Variants in WDR59 observed in about 807,000 individuals in gnomAD.
The protein encoded by WDR59 is WD repeat domain 59.
A neutral mutation model predicts 131.2 loss-of-function variants in WDR59; 100 were observed. That is an observed-to-expected ratio of 0.76 (90% CI 0.65 to 0.90). WDR59 has a LOEUF of 0.90. Among genes scored for constraint, WDR59 ranks in the 40% least tolerant of loss-of-function variants. WDR59 has a pLI of 0.00. For missense variants in WDR59, 1,203 were observed against 1,262.2 expected (o/e 0.95, Z 0.71); for synonymous variants, 601 against 466.2 (o/e 1.29, Z -3.72).
chr16:74,941,695 A>G (rs1489077931), intron 7 of WDR59, among the ~76,000 whole-genome samples: 1 of 38,468 alleles, frequency 2.6e-5, no homozygotes, highest in Non-Finnish European at 3.9e-5. Context: ...CTGTCTCAAG[A>G]AAAAAAAAAA....
intron 18 of WDR59, among the ~76,000 whole-genome samples, chr16:74,895,874 G>A (rs1965274019): frequency 6.6e-6 from 1 of 152,174 alleles, no homozygotes; most frequent in South Asian, 2.1e-4. Context: ...TACTATGGCA[G>A]GGCCTGTTTT....
At chr16:74,965,176 A>C (rs954399039) in intron 2 of WDR59, among the ~76,000 whole-genome samples, 3 of 152,086 alleles carry the variant, frequency 2.0e-5, no homozygotes, top group Non-Finnish European at 4.4e-5. Context: ...AGTAGCTGGG[A>C]CTACAGGCCA....
intron 23 of WDR59, among the ~76,000 whole-genome samples, chr16:74,886,739 G>A (rs111532939): frequency 5.3e-5 from 8 of 152,016 alleles, no homozygotes; most frequent in Non-Finnish European, 1.0e-4. Flanking sequence ...GACGAACATA[G>A]TGAAATTATG....
In WDR59 at chr16:74,979,838, C is replaced by CTTTTT. The variant is rs56943510; in HGVS notation, c.54+5121_54+5125dup. ...ACAGGTGTGAGTCACCACACCCGGC[C>CTTTTT]TTTTTTTTTTTTTTTTTTTTTTTTC... On this transcript the variant is annotated intron_variant, in intron 1 of 25. Coordinates refer to ENST00000262144, the MANE Select transcript of WDR59 (RefSeq NM_030581.4). Among the ~76,000 whole-genome samples the CTTTTT allele has an allele frequency of 2.0e-3, 124 of 60,500 alleles. 4 individuals are homozygous for CTTTTT. The highest frequency in any genetic ancestry group is 5.3e-3 in the Admixed American group (20 of 3,756). 39.7% of individuals were successfully genotyped at this position (60,500 alleles called of 152,430 possible).
intron 17 of WDR59, among the ~76,000 whole-genome samples, chr16:74,905,755 C>T (rs935356795): frequency 1.3e-5 from 2 of 151,570 alleles, no homozygotes; most frequent in African/African-American, 4.8e-5. Context: ...ATAAACTGGA[C>T]ATCATCAAAA....
At chr16:74,885,448 CAA>C (rs397855343) in intron 25 of WDR59, among the ~76,000 whole-genome samples, 209 of 62,362 alleles carry the variant, frequency 3.4e-3, no homozygotes, top group African/African-American at 0.01. Context: ...GATTCCATCT[CAA>C]AAAAAAAAAA....
intron 1 of WDR59, 162 bp downstream of exon 1, chr16:74,984,802 T>A (rs2034559286): frequency 1.0e-6 from 1 of 992,504 alleles, no homozygotes; most frequent in African/African-American, 1.6e-5. Context: ...ATGGTCGTCT[T>A]CCCTCCCCCG....
At chr16:74,945,636 G>A (rs1475888487) in intron 6 of WDR59, among the ~76,000 whole-genome samples, 3 of 151,916 alleles carry the variant, frequency 2.0e-5, no homozygotes, top group Admixed American at 1.3e-4. Flanking sequence ...GGTGGCGGGG[G>A]GCAGAGCAGT....
intron 6 of WDR59, among the ~76,000 whole-genome samples, chr16:74,945,071 C>G (rs2032515617): frequency 6.6e-6 from 1 of 151,290 alleles, no homozygotes. Context: ...TTGCGGTGAG[C>G]CAAGATCGTG....
At chr16:74,984,804 C>T (rs1208385200) in intron 1 of WDR59, 160 bp downstream of exon 1, 2 of 1,010,444 alleles carry the variant, frequency 2.0e-6, no homozygotes, top group African/African-American at 3.3e-5. Context: ...GGTCGTCTTC[C>T]CTCCCCCGAC....
At chr16:74,898,952 T>C (rs952554244) in intron 18 of WDR59, among the ~76,000 whole-genome samples, 18 of 152,206 alleles carry the variant, frequency 1.2e-4, no homozygotes, top group African/African-American at 4.3e-4. Flanking sequence ...TGGTTTTCTA[T>C]GACAAGGCTA....
chr16:74,978,593 G>T (rs973615767), intron 1 of WDR59, among the ~76,000 whole-genome samples: 11 of 152,320 alleles, frequency 7.2e-5, no homozygotes, highest in Middle Eastern at 3.4e-3. Flanking sequence ...ATCAGCAGCT[G>T]CCAGAGATAA....
chr16:74,917,803 A>G (rs1966463031), intron 11 of WDR59, 126 bp downstream of exon 11: 5 of 709,426 alleles, frequency 7.0e-6, no homozygotes, highest in South Asian at 1.9e-5. Context: ...AGTGAGACGC[A>G]CTCTCAAAAA....
At chr16:74,942,210 C>A (rs371710443) in intron 7 of WDR59, among the ~76,000 whole-genome samples, 1 of 152,044 alleles carries the variant, frequency 6.6e-6, no homozygotes, top group African/African-American at 2.4e-5. Context: ...GTGATATGCA[C>A]AATACTTTGA....
In WDR59 at chr16:74,871,678, G is replaced by A. The variant is rs1964014698; in HGVS notation, c.*2531C>T. 6.6e-6 allele frequency: 1 copy of A among 152,182 alleles called. No homozygotes were observed. The highest frequency in any genetic ancestry group is 2.4e-5 in the African/African-American group (1 of 41,448). 9.4% of individuals were successfully genotyped at this position (152,182 alleles called of 1,614,324 possible). ...CACTAACTTGAGCAGTGGGGAACAG[G>A]AAAAGATTGCTCTCTGCAAATGGTG... is the stretch of plus-strand genomic sequence containing the variant. On this transcript the variant is annotated 3_prime_UTR_variant, in exon 26 of 26. Transcript: ENST00000262144.
At chr16:74,919,312 CTTGGA>C (rs1432379154) in intron 10 of WDR59, among the ~76,000 whole-genome samples, 1 of 151,722 alleles carries the variant, frequency 6.6e-6, no homozygotes, top group African/African-American at 2.4e-5. Flanking sequence ...TCAATTTGCT[CTTGGA>C]ACACCTTTTT....
chr16:74,882,988 T>C (rs1298970390), intron 25 of WDR59, among the ~76,000 whole-genome samples: 2 of 150,298 alleles, frequency 1.3e-5, no homozygotes, highest in Admixed American at 1.3e-4. Context: ...TTTCCATTTA[T>C]TTAACTGTTT....
chr16:74,922,788 C>T (rs1386755094), intron 9 of WDR59, among the ~76,000 whole-genome samples: 1 of 152,202 alleles, frequency 6.6e-6, no homozygotes, highest in East Asian at 1.9e-4. Flanking sequence ...TTAAAGCAAA[C>T]ATATTAATCC....
At chr16:74,930,657 T>A (rs2031291435) in intron 8 of WDR59, 1 of 151,088 alleles carries the variant, frequency 6.6e-6, no homozygotes, top group Admixed American at 6.6e-5. Flanking sequence ...CTTTGGGAGG[T>A]CAAGGTGGGT....
Sources: allele counts gnomAD v4.1 joint callset (sites outside exome capture counted in the v4.1 genomes callset), GRCh38; gene constraint gnomAD v4.1.1; transcripts MANE v1.5; gene names NCBI Gene and HGNC (gene_info 2026-07-23, HGNC 2026-07-21).